Variants in REV3L observed in about 807,000 individuals in gnomAD.
REV3L encodes REV3 like, DNA directed polymerase zeta catalytic subunit.
In REV3L, 69 loss-of-function variants were observed where a neutral mutation model predicts 299.4. The observed-to-expected ratio is 0.23, with a 90% CI of 0.19 to 0.28. The LOEUF (loss-of-function observed/expected upper bound fraction) is 0.28. REV3L is among the 10% of genes least tolerant of loss of function. The pLI is 1.00. For missense variants in REV3L, 3,128 were observed against 3,693.8 expected (o/e 0.85, Z 3.97); for synonymous variants, 1,238 against 1,271.4 (o/e 0.97, Z 0.56).
intron 4 of REV3L, among the ~76,000 whole-genome samples, chr6:111,401,470 A>G (rs2128269212): frequency 6.6e-6 from 1 of 152,328 alleles, no homozygotes; most frequent in South Asian, 2.1e-4. Context: ...GGAATTTTAT[A>G]CTACTCTAAG....
At chr6:111,339,606 A>G (rs1776276766) in intron 21 of REV3L, among the ~76,000 whole-genome samples, 1 of 152,194 alleles carries the variant, frequency 6.6e-6, no homozygotes, top group South Asian at 2.1e-4. Context: ...AGGTTAATTT[A>G]ACAAGGGACA....
chr6:111,339,820 A>C (rs1188735638), intron 21 of REV3L, among the ~76,000 whole-genome samples: 1 of 152,182 alleles, frequency 6.6e-6, no homozygotes, highest in Non-Finnish European at 1.5e-5. Flanking sequence ...TAACCATATA[A>C]CATAAAAGAG....
At chr6:111,468,043 G>C (rs1791718050) in intron 1 of REV3L, among the ~76,000 whole-genome samples, 1 of 152,078 alleles carries the variant, frequency 6.6e-6, no homozygotes, top group South Asian at 2.1e-4. Flanking sequence ...GCCCTCCAGA[G>C]GTTATGATCC....
intron 1 of REV3L, among the ~76,000 whole-genome samples, chr6:111,444,910 T>C (rs963899995): frequency 6.6e-6 from 1 of 152,264 alleles, no homozygotes; most frequent in Admixed American, 6.5e-5. Flanking sequence ...AACTGAATAC[T>C]GTTCATCCTA....
chr6:111,337,687 T>C (rs984411476), intron 21 of REV3L, among the ~76,000 whole-genome samples: 1 of 152,158 alleles, frequency 6.6e-6, no homozygotes, highest in East Asian at 1.9e-4. Flanking sequence ...TTTTTAAAAT[T>C]ATTATGAGTT....
intron 1 of REV3L, among the ~76,000 whole-genome samples, chr6:111,480,503 A>G (rs1793489074): frequency 6.6e-6 from 1 of 152,134 alleles, no homozygotes; most frequent in African/African-American, 2.4e-5. Flanking sequence ...GTTTTTGATT[A>G]TGTTTAATTA....
chr6:111,475,829 T>C (rs1792877081), intron 1 of REV3L, among the ~76,000 whole-genome samples: 1 of 152,220 alleles, frequency 6.6e-6, no homozygotes, highest in Non-Finnish European at 1.5e-5. Flanking sequence ...TCACCAATCC[T>C]GGATTACGTA....
Position 111,310,086 on chromosome 6 carries a change from A to C in REV3L, c.8809T>G (p.Tyr2937Asp). The change falls in exon 30 of 32, where the codon TAT becomes GAT. Residue 2937 changes from tyrosine (Y) to aspartate (D), a missense_variant. Tyr to Asp is a radical substitution (Grantham distance 160, BLOSUM62 -3). This residue lies in a region of REV3L where 294 missense variants were observed against 377.0 expected (regional missense o/e 0.78). Coordinates refer to ENST00000368802, the MANE Select transcript of REV3L (RefSeq NM_001372078.1). The part of the protein sequence containing the change: ...ALELTRKMLT[Y>D]DRRSEPQVGE... ...ACCTGAGGCTCAGAGCGCCGGTCAT[A>C]AGTCAGCATTTTCCTATTCGAATTC... 5 of 1,543,082 alleles carry C rather than the reference A, an allele frequency of 3.2e-6. No homozygotes were observed. The highest frequency in any genetic ancestry group is 4.4e-6 in the Non-Finnish European group (5 of 1,144,230).
At chr6:111,452,227 G>A (rs1009795881) in intron 1 of REV3L, among the ~76,000 whole-genome samples, 3 of 152,180 alleles carry the variant, frequency 2.0e-5, no homozygotes, top group Non-Finnish European at 4.4e-5. Flanking sequence ...GGAGAGGGTA[G>A]GAGAAACTGG....
intron 24 of REV3L, chr6:111,331,028 T>C: frequency 2.0e-6 from 2 of 985,038 alleles, no homozygotes; most frequent in Non-Finnish European, 2.4e-6. Flanking sequence ...ACCACTCTAC[T>C]GTCTCATGAT....
At chr6:111,354,650 A>T (rs1039618518) in intron 18 of REV3L, among the ~76,000 whole-genome samples, 1 of 152,170 alleles carries the variant, frequency 6.6e-6, no homozygotes, top group Non-Finnish European at 1.5e-5. Flanking sequence ...CTCTAAAAAC[A>T]TTTGGAGACA....
At chr6:111,455,979 G>A (rs1017645898) in intron 1 of REV3L, among the ~76,000 whole-genome samples, 8 of 152,262 alleles carry the variant, frequency 5.3e-5, no homozygotes, top group African/African-American at 1.9e-4. Flanking sequence ...ACTTGATATT[G>A]ACACTGCAGA....
chr6:111,461,533 C>T (rs1481511202), intron 1 of REV3L, among the ~76,000 whole-genome samples: 1 of 151,730 alleles, frequency 6.6e-6, no homozygotes, highest in Non-Finnish European at 1.5e-5. Flanking sequence ...ATGAACAGTT[C>T]TATAAAATCT....
At chr6:111,306,705 C>G (rs1772347039) in intron 31 of REV3L, among the ~76,000 whole-genome samples, 1 of 152,170 alleles carries the variant, frequency 6.6e-6, no homozygotes, top group Non-Finnish European at 1.5e-5. Flanking sequence ...CTCAATCATG[C>G]CATTAATCAT....
intron 1 of REV3L, among the ~76,000 whole-genome samples, chr6:111,482,419 G>C (rs899243540): frequency 6.6e-6 from 1 of 152,148 alleles, no homozygotes; most frequent in African/African-American, 2.4e-5. Flanking sequence ...CACCTGGCCC[G>C]CCGTCCGGGG....
intron 3 of REV3L, 43 bp downstream of exon 3, chr6:111,411,437 T>C (rs2128280521): frequency 8.2e-7 from 1 of 1,222,438 alleles, no homozygotes; most frequent in South Asian, 1.4e-5. Context: ...TTAAAATACT[T>C]CAATGATAGT....
intron 11 of REV3L, among the ~76,000 whole-genome samples, chr6:111,378,587 C>T (rs1338488337): frequency 6.6e-6 from 1 of 152,128 alleles, no homozygotes; most frequent in African/African-American, 2.4e-5. Context: ...ACGAACCTGA[C>T]ACAATCTCTG....
At chr6:111,462,399 G>A (rs1327824477) in intron 1 of REV3L, among the ~76,000 whole-genome samples, 1 of 152,040 alleles carries the variant, frequency 6.6e-6, no homozygotes, top group African/African-American at 2.4e-5. Context: ...CTGTCCGCCA[G>A]AAAGGCACAC....
At chr6:111,338,496 C>A (rs1011461190) in intron 21 of REV3L, among the ~76,000 whole-genome samples, 15 of 150,452 alleles carry the variant, frequency 1.0e-4, no homozygotes, top group African/African-American at 3.4e-4. Context: ...ATGTCTTTTA[C>A]CCTTTTTTTT....
Sources: allele counts gnomAD v4.1 joint callset (sites outside exome capture counted in the v4.1 genomes callset), GRCh38; gene constraint gnomAD v4.1.1; regional missense constraint gnomAD v4.1.1; transcripts MANE v1.5; gene names NCBI Gene and HGNC (gene_info 2026-07-23, HGNC 2026-07-21).